Variants in CENPC observed in about 807,000 individuals in gnomAD.
CENPC encodes centromere protein C, also known as CENP-C 1.
Under a neutral mutation model 112.1 loss-of-function variants are expected in CENPC, and 63 were observed. The observed-to-expected ratio is 0.56, with a 90% CI of 0.46 to 0.69. CENPC has a LOEUF of 0.69. Among genes scored for constraint, CENPC ranks in the 30% least tolerant of loss-of-function variants. CENPC has a pLI of 0.00. For synonymous variants in CENPC, 333 were observed against 367.6 expected (o/e 0.91, Z 1.08); for missense variants, 1,000 against 1,103.8 (o/e 0.91, Z 1.33).
At chr4:67,488,206 A>G (rs1399206336) in intron 17 of CENPC, among the ~76,000 whole-genome samples, 1 of 149,360 alleles carries the variant, frequency 6.7e-6, no homozygotes, top group East Asian at 1.9e-4. Flanking sequence ...GGGTCTTCAT[A>G]TATGGCTGTT....
Position 67,470,711 on chromosome 4 carries a change from A to G in CENPC, c.*1894T>C, listed in dbSNP as rs148084784. The G allele has an allele frequency of 3.9e-4, 60 of 152,352 alleles. No individual in the cohort carries two copies. The highest frequency in any genetic ancestry group is 1.4e-3 in the African/African-American group (59 of 41,582). The allele number at this position is 152,352 out of a possible 1,614,324, so 9.4% of individuals were successfully genotyped here. Reference sequence around the variant, plus strand: ...CCCTAGGTTGATTGGTAAAAACTACAGTTTTGTCTGGCTGTAGCTAACTGA... The same window carrying G: ...CCCTAGGTTGATTGGTAAAAACTACGGTTTTGTCTGGCTGTAGCTAACTGA... On this transcript the variant is annotated 3_prime_UTR_variant, in exon 19 of 19. Transcript: ENST00000273853.
At position 67,474,885 on chromosome 4, in the gene CENPC, T is replaced by G; in HGVS notation, c.2761+3A>C. Reference sequence around the variant, plus strand: ...GTTGTCTAAGTGAAATAAATTGTCTTACCTGAAGGAACATAGAACGAATCC... The same window carrying G: ...GTTGTCTAAGTGAAATAAATTGTCTGACCTGAAGGAACATAGAACGAATCC... On this transcript the variant is annotated splice_donor_region_variant and intron_variant, in intron 18 of 18. Transcript: ENST00000273853. 6.5e-7 allele frequency: 1 copy of G among 1,529,988 alleles called. No homozygotes were observed. Among genetic ancestry groups the G allele is most frequent in the South Asian group, 1.2e-5 (1 of 83,404 alleles). The allele number at this position is 1,529,988 out of a possible 1,614,324, so 94.8% of individuals were successfully genotyped here. A position where few individuals can be genotyped will look rare whatever the true frequency, so the allele number is the denominator to read the frequency against.
In CENPC at chr4:67,493,911, G is replaced by A. The variant is rs778051127; in HGVS notation, c.2263C>T (p.Arg755Ter). The change falls in exon 14 of 19, where the codon CGA (arginine) becomes TGA (stop). Residue 755 changes from arginine (R) to a stop codon, truncating the protein, a stop_gained. Coordinates refer to ENST00000273853, the MANE Select transcript of CENPC (RefSeq NM_001812.4). LOFTEE classifies it high-confidence loss of function. Reference sequence around the variant, plus strand: ...GATGGCCTTCCTTGATAATCTATTCGCTCTCCTCGCCAGTACTCCAAAGGT... The same window carrying A: ...GATGGCCTTCCTTGATAATCTATTCACTCTCCTCGCCAGTACTCCAAAGGT... The part of the protein sequence containing the change: ...LKPLEYWRGE[R>*]IDYQGRPSGG... 6.8e-6 allele frequency: 11 copies of A among 1,611,844 alleles called. No homozygotes were observed. Among genetic ancestry groups the A allele is most frequent in the Admixed American group, 1.7e-5 (1 of 59,868 alleles).
chr4:67,541,513 G>C (rs1188558313), intron 2 of CENPC, among the ~76,000 whole-genome samples: 1 of 151,998 alleles, frequency 6.6e-6, no homozygotes, highest in African/African-American at 2.4e-5. Context: ...AAATTATATT[G>C]AGCTTGTAGA....
chr4:67,495,161 A>G lies in CENPC; in HGVS notation c.2183T>C (p.Leu728Pro), dbSNP rs1170957154. 14 of 1,522,344 alleles carry G rather than the reference A, an allele frequency of 9.2e-6. No individual in the cohort carries two copies. The highest frequency in any genetic ancestry group is 1.4e-5 in the African/African-American group (1 of 71,326). The allele number at this position is 1,522,344 out of a possible 1,614,324, so 94.3% of individuals were successfully genotyped here. A position where few individuals can be genotyped will look rare whatever the true frequency, so the allele number is the denominator to read the frequency against. Residue 728 changes from leucine to proline, a missense_variant and splice_region_variant, in exon 13 of 19, where the codon CTA (leucine) becomes CCA (proline). Transcript: ENST00000273853. ...VIPKNRIHHK[L>P]VLPSNTPNVR... ...TTAAAAAAGAAAAATATTCTTACCTAGTTTGTGATGGATTCTGTTCTTTGG... is the reference window on the plus strand; with the variant it reads ...TTAAAAAAGAAAAATATTCTTACCTGGTTTGTGATGGATTCTGTTCTTTGG...
intron 11 of CENPC, 123 bp downstream of exon 11, chr4:67,506,665 A>G: frequency 1.3e-6 from 1 of 794,322 alleles, no homozygotes; most frequent in African/African-American, 1.8e-5. Context: ...TGAGCCATAG[A>G]AACTATGAAA....
chr4:67,516,201 A>G (rs552915482), intron 7 of CENPC, among the ~76,000 whole-genome samples: 12 of 152,176 alleles, frequency 7.9e-5, no homozygotes, highest in Admixed American at 5.2e-4. Flanking sequence ...TCCTCCAATT[A>G]GTCAGGAAAC....
At chr4:67,539,221 G>C (rs1726813518) in intron 4 of CENPC, among the ~76,000 whole-genome samples, 1 of 152,130 alleles carries the variant, frequency 6.6e-6, no homozygotes. Context: ...AATTCTGAAA[G>C]AAATGGTTTT....
intron 5 of CENPC, among the ~76,000 whole-genome samples, chr4:67,529,715 A>G (rs1726489223): frequency 6.6e-6 from 1 of 152,222 alleles, no homozygotes; most frequent in African/African-American, 2.4e-5. Context: ...CGAAATTACT[A>G]CATAAATTAA....
rs139172492 is a variant in CENPC at position 67,514,048 on chromosome 4, T to C, written c.1444+26A>G. ...CATAAAATGGGTAGAATAATGCTCATGGTTATATTTAATATAAACACTTAC... is the reference window on the plus strand; with the variant it reads ...CATAAAATGGGTAGAATAATGCTCACGGTTATATTTAATATAAACACTTAC... On this transcript the variant is annotated intron_variant, in intron 8 of 18. Transcript: ENST00000273853. The C allele has an allele frequency of 7.1e-4, 1,083 of 1,531,540 alleles. 7 individuals are homozygous for C. The African/African-American group carries it at 0.01, about 14-fold the overall frequency. 94.9% of individuals were successfully genotyped at this position (1,531,540 alleles called of 1,614,324 possible).
At chr4:67,522,016 C>G (rs894099311) in intron 5 of CENPC, among the ~76,000 whole-genome samples, 5 of 152,044 alleles carry the variant, frequency 3.3e-5, no homozygotes, top group Admixed American at 3.3e-4. Context: ...TGGTGATAGC[C>G]TCACAACAAT....
In CENPC at chr4:67,471,171, A is replaced by G. The variant is rs1724651167; in HGVS notation, c.*1434T>C. 6.6e-6 allele frequency: 1 copy of G among 152,238 alleles called. No homozygotes were observed. Among genetic ancestry groups the G allele is most frequent in the African/African-American group, 2.4e-5 (1 of 41,438 alleles). The allele number at this position is 152,238 out of a possible 1,614,324, so 9.4% of individuals were successfully genotyped here. ...TGATTGGCTGACTGCTAAGCTATGC[A>G]GACACAGGAACTACCCCTAGCAAGC... On this transcript the variant is annotated 3_prime_UTR_variant, in exon 19 of 19. Coordinates refer to ENST00000273853, the MANE Select transcript of CENPC (RefSeq NM_001812.4).
At chr4:67,495,991 G>C (rs2109782259) in intron 12 of CENPC, among the ~76,000 whole-genome samples, 1 of 152,238 alleles carries the variant, frequency 6.6e-6, no homozygotes, top group Middle Eastern at 3.4e-3. Flanking sequence ...CTAATAGTAT[G>C]CAACAGAAAT....
chr4:67,499,301 G>A (rs995446054), intron 12 of CENPC, among the ~76,000 whole-genome samples: 1 of 152,170 alleles, frequency 6.6e-6, no homozygotes, highest in African/African-American at 2.4e-5. Flanking sequence ...AGCTATGAAC[G>A]TCCTAGATGA....
Position 67,519,404 on chromosome 4 carries a change from G to T in CENPC, c.430C>A (p.His144Asn), listed in dbSNP as rs771158087. ...AATTCTTCATCAGCTTCACTGTGAT[G>T]ATCATTTATGTTTCTACTTGATATT... is the stretch of plus-strand genomic sequence containing the variant. ...KKISSRNINDHHSEADEEFYL... is the reference protein window; with the variant it reads ...KKISSRNINDNHSEADEEFYL... Residue 144 changes from histidine (H) to asparagine (N), a missense_variant, in exon 6 of 19, where the codon CAT (histidine) becomes AAT (asparagine). Transcript: ENST00000273853. The T allele has an allele frequency of 1.2e-6, 2 of 1,612,730 alleles. No individual in the cohort carries two copies. Among genetic ancestry groups the T allele is most frequent in the South Asian group, 2.2e-5 (2 of 90,920 alleles).
At chr4:67,533,868 T>A (rs1726632931) in intron 4 of CENPC, among the ~76,000 whole-genome samples, 1 of 151,944 alleles carries the variant, frequency 6.6e-6, no homozygotes, top group African/African-American at 2.4e-5. Context: ...CAAGACCACA[T>A]CTCTGTGTAA....
intron 9 of CENPC, 79 bp downstream of exon 9, chr4:67,512,323 G>T: frequency 1.9e-6 from 2 of 1,030,216 alleles, no homozygotes; most frequent in Non-Finnish European, 2.8e-6. Flanking sequence ...TCTCTATATA[G>T]AAATATAAAA....
intron 12 of CENPC, among the ~76,000 whole-genome samples, chr4:67,502,024 A>C (rs1410910724): frequency 1.3e-5 from 2 of 152,186 alleles, no homozygotes; most frequent in Non-Finnish European, 2.9e-5. Context: ...GGAAGAAAAC[A>C]GGTTATCTAC....
chr4:67,525,818 T>C (rs1335183763), intron 5 of CENPC, among the ~76,000 whole-genome samples: 1 of 152,194 alleles, frequency 6.6e-6, no homozygotes, highest in Admixed American at 6.5e-5. Flanking sequence ...ATCCCATCAC[T>C]GGGTATGTAC....
Sources: allele counts gnomAD v4.1 joint callset (sites outside exome capture counted in the v4.1 genomes callset), GRCh38; gene constraint gnomAD v4.1.1; transcripts MANE v1.5; gene names NCBI Gene and HGNC (gene_info 2026-07-23, HGNC 2026-07-21).